Variants in MYPN observed in about 807,000 individuals in gnomAD.
MYPN encodes myopalladin, also known as sarcomeric protein myopalladin, 145 kDa (MYOP).
Under a neutral mutation model 129.4 loss-of-function variants are expected in MYPN, and 63 were observed. The observed-to-expected ratio is 0.49, with a 90% CI of 0.40 to 0.60. The LOEUF is 0.60. MYPN is among the 20% of genes least tolerant of loss of function. The pLI is 0.00. For missense variants in MYPN, 1,596 were observed against 1,635.4 expected (o/e 0.98, Z 0.42); for synonymous variants, 629 against 600.9 (o/e 1.05, Z -0.68).
chr10:68,122,814 A>G (rs1276822183), intron 2 of MYPN, among the ~76,000 whole-genome samples: 3 of 152,030 alleles, frequency 2.0e-5, no homozygotes, highest in Admixed American at 2.0e-4. Flanking sequence ...AGGCAGGAAA[A>G]TCGCTTGAAC....
Position 68,113,005 on chromosome 10 carries a change from G to C in MYPN, c.-2+3282G>C, listed in dbSNP as rs141072676. Among the ~76,000 whole-genome samples the C allele has an allele frequency of 6.3e-3, 966 of 152,226 alleles. 5 individuals are homozygous for C. Among genetic ancestry groups the C allele is most frequent in the African/African-American group, 0.022 (916 of 41,538 alleles). ...AGAACTGACTTAGATACTTCTCTAG[G>C]GTGATATCATTGGATATAGAAGGCA... On this transcript the variant is annotated intron_variant, in intron 1 of 19. Coordinates refer to ENST00000358913, the MANE Select transcript of MYPN (RefSeq NM_032578.4).
At chr10:68,186,312 T>C (rs2134247872) in intron 12 of MYPN, among the ~76,000 whole-genome samples, 1 of 152,314 alleles carries the variant, frequency 6.6e-6, no homozygotes, top group Middle Eastern at 3.4e-3. Context: ...TTGGTTTCTG[T>C]AGTTCCAAAG....
At chr10:68,166,227 T>C in intron 9 of MYPN, 67 bp from the exon 10 acceptor site, 1 of 1,597,698 alleles carries the variant, frequency 6.3e-7, no homozygotes, top group Non-Finnish European at 8.6e-7. Context: ...CACTTTCCCA[T>C]TTGTGCACAT....
intron 15 of MYPN, 145 bp from the exon 16 acceptor site, chr10:68,197,207 T>C (rs1317246100): frequency 1.3e-6 from 1 of 748,882 alleles, no homozygotes; most frequent in Non-Finnish European, 2.1e-6. Context: ...ACACCATTAT[T>C]TATTGTTTAT....
intron 6 of MYPN, among the ~76,000 whole-genome samples, chr10:68,155,044 G>A (rs1018788148): frequency 7.9e-5 from 12 of 152,054 alleles, no homozygotes; most frequent in African/African-American, 2.9e-4. Flanking sequence ...AGCCGGGCAT[G>A]GTGGCACTCG....
chr10:68,161,622 A>G, intron 7 of MYPN, 107 bp from the exon 8 acceptor site: 1 of 802,418 alleles, frequency 1.2e-6, no homozygotes, highest in Non-Finnish European at 2.1e-6. Flanking sequence ...TTATTGTATC[A>G]CTCCTGAGTG....
intron 10 of MYPN, among the ~76,000 whole-genome samples, chr10:68,171,053 G>A (rs2043136128): frequency 6.6e-6 from 1 of 150,940 alleles, no homozygotes; most frequent in Non-Finnish European, 1.5e-5. Flanking sequence ...GGAGGCTGAG[G>A]CAGGAGAATC....
intron 12 of MYPN, among the ~76,000 whole-genome samples, chr10:68,185,048 TAATCCC>T (rs2043398479): frequency 6.6e-6 from 1 of 151,886 alleles, no homozygotes; most frequent in Non-Finnish European, 1.5e-5. Flanking sequence ...CTCAAGCCTG[TAATCCC>T]AACACTTTGG....
chr10:68,127,449 C>T (rs1379959338), intron 2 of MYPN, among the ~76,000 whole-genome samples: 1 of 150,818 alleles, frequency 6.6e-6, no homozygotes, highest in East Asian at 2.0e-4. Context: ...ATTCTTCTGC[C>T]TCAGCCTCCT....
intron 7 of MYPN, among the ~76,000 whole-genome samples, chr10:68,161,518 A>AG (rs1282577551): frequency 3.3e-5 from 5 of 151,378 alleles, no homozygotes; most frequent in Non-Finnish European, 7.4e-5. Flanking sequence ...TCAGTCTCAA[A>AG]AAAAAAAAAA....
chr10:68,172,426 A>G (rs1465173287), intron 10 of MYPN, among the ~76,000 whole-genome samples: 2 of 152,214 alleles, frequency 1.3e-5, no homozygotes, highest in African/African-American at 4.8e-5. Context: ...GATCTCACTT[A>G]TGGGTCTTCC....
chr10:68,195,556 T>C lies in MYPN; in HGVS notation c.3158+24T>C, dbSNP rs769192652. On this transcript the variant is annotated intron_variant, in intron 15 of 19. Coordinates refer to ENST00000358913, the MANE Select transcript of MYPN (RefSeq NM_032578.4). ...AGGTAAAGACAGTAAGAATTCCCCC[T>C]CTCTAGGCCCTTCCCAAGCACCTGC... 2.5e-6 allele frequency: 4 copies of C among 1,597,324 alleles called. No homozygotes were observed. The South Asian group carries it at 4.4e-5, about 18-fold the overall frequency.
At chr10:68,187,306 C>CAAAAA (rs55727861) in intron 12 of MYPN, among the ~76,000 whole-genome samples, 14 of 135,588 alleles carry the variant, frequency 1.0e-4, no homozygotes, top group African/African-American at 3.2e-4. Context: ...GACTCCATCT[C>CAAAAA]AAAAAAAAAA....
intron 6 of MYPN, among the ~76,000 whole-genome samples, chr10:68,151,338 C>T (rs1182298717): frequency 6.6e-6 from 1 of 152,184 alleles, no homozygotes; most frequent in African/African-American, 2.4e-5. Flanking sequence ...GTTAGGCAAA[C>T]ATTCTTATGT....
intron 3 of MYPN, among the ~76,000 whole-genome samples, chr10:68,144,496 T>C (rs572983311): frequency 1.3e-5 from 2 of 152,284 alleles, no homozygotes; most frequent in South Asian, 4.1e-4. Context: ...AAATGTGTTG[T>C]ATGTGTATGT....
chr10:68,206,026 G>T (rs1196829752), intron 18 of MYPN, among the ~76,000 whole-genome samples: 2 of 152,154 alleles, frequency 1.3e-5, no homozygotes, highest in African/African-American at 4.8e-5. Context: ...CGTTGCTGTT[G>T]CCCCTACTGT....
In MYPN at chr10:68,211,144, C is replaced by T. The variant is rs532913377; in HGVS notation, c.*689C>T. ...CCAAAGCATGGCCTTACCAGCTTGT[C>T]TGCACTATTTTCTTTTGGGTGGTGA... is the stretch of plus-strand genomic sequence containing the variant. On this transcript the variant is annotated 3_prime_UTR_variant, in exon 20 of 20. Transcript: ENST00000358913. 1 of 454,076 alleles carries T rather than the reference C, an allele frequency of 2.2e-6. No individual in the cohort carries two copies. The highest frequency in any genetic ancestry group is 7.0e-5 in the East Asian group (1 of 14,386). 28.1% of individuals were successfully genotyped at this position (454,076 alleles called of 1,614,324 possible).
At chr10:68,113,107 A>G (rs1449196131) in intron 1 of MYPN, among the ~76,000 whole-genome samples, 1 of 152,242 alleles carries the variant, frequency 6.6e-6, no homozygotes, top group African/African-American at 2.4e-5. Flanking sequence ...CATTCTGGGC[A>G]TATTAATTAC....
intron 6 of MYPN, among the ~76,000 whole-genome samples, 184 bp downstream of exon 6, chr10:68,150,295 T>G (rs2042746781): frequency 2.0e-5 from 3 of 152,160 alleles, no homozygotes; most frequent in Admixed American, 2.0e-4. Context: ...AATAACAGTT[T>G]TAGTAATGAG....
Sources: gnomAD v4.1 joint callset for allele counts (sites outside exome capture counted in the v4.1 genomes callset) on GRCh38, gnomAD v4.1.1 for gene constraint, MANE v1.5 for transcripts, NCBI Gene and HGNC (gene_info 2026-07-23, HGNC 2026-07-21) for gene names.